Variants in GPAT3 observed in about 807,000 individuals in gnomAD.
GPAT3 encodes the protein 1-AGP acyltransferase 9.
In GPAT3, 53 loss-of-function variants were observed where a neutral mutation model predicts 58.8. The ratio of observed to expected loss-of-function variants is 0.90; its 90% confidence interval spans 0.72 to 1.13. The LOEUF (loss-of-function observed/expected upper bound fraction) is 1.13. Among genes scored for constraint, GPAT3 ranks in the 50% most tolerant of loss-of-function variants. GPAT3 has a pLI of 0.00. For synonymous variants in GPAT3, 197 were observed against 187.4 expected (o/e 1.05, Z -0.42); for missense variants, 511 against 527.6 (o/e 0.97, Z 0.31).
chr4:83,563,424 A>G (rs1725253683), intron 2 of GPAT3, among the ~76,000 whole-genome samples: 1 of 148,036 alleles, frequency 6.8e-6, no homozygotes, highest in Admixed American at 6.7e-5. Context: ...ATGCTATTAC[A>G]TTACAAATAT....
intron 2 of GPAT3, among the ~76,000 whole-genome samples, chr4:83,551,443 G>A (rs1346599145): frequency 2.0e-5 from 3 of 151,958 alleles, no homozygotes; most frequent in Non-Finnish European, 4.4e-5. Context: ...ATCTTCAGGA[G>A]GGAGAGCAAG....
chr4:83,537,430 G>A (rs748396763), intron 1 of GPAT3, among the ~76,000 whole-genome samples: 35 of 152,104 alleles, frequency 2.3e-4, no homozygotes, highest in Non-Finnish European at 4.1e-4. Flanking sequence ...CTTACTCTTA[G>A]GGTTTTATTA....
Position 83,536,221 on chromosome 4 carries a change from G to A in GPAT3, c.-402G>A. 2.0e-6 allele frequency: 2 copies of A among 994,908 alleles called. No individual in the cohort carries two copies. The highest frequency in any genetic ancestry group is 2.4e-6 in the Non-Finnish European group (2 of 836,236). The allele number at this position is 994,908 out of a possible 1,614,324, so 61.6% of individuals were successfully genotyped here. A position where few individuals can be genotyped will look rare whatever the true frequency, so the allele number is the denominator to read the frequency against. On this transcript the variant is annotated 5_prime_UTR_variant, in exon 1 of 12. Transcript: ENST00000264409. Reference sequence around the variant, plus strand: ...GGAGGGCCTCCGTGAGTCATCTGCTGAGTTGTCGCAATCGCCACCCAGAGG... The same window carrying A: ...GGAGGGCCTCCGTGAGTCATCTGCTAAGTTGTCGCAATCGCCACCCAGAGG...
chr4:83,544,241 C>T (rs144424899), intron 1 of GPAT3, among the ~76,000 whole-genome samples: 1 of 152,180 alleles, frequency 6.6e-6, no homozygotes, highest in African/African-American at 2.4e-5. Context: ...CTCATGCCCC[C>T]CATGCTTCAC....
At chr4:83,550,976 C>T (rs959089192) in intron 2 of GPAT3, among the ~76,000 whole-genome samples, 9 of 152,118 alleles carry the variant, frequency 5.9e-5, no homozygotes, top group Non-Finnish European at 8.8e-5. Context: ...ATTTCTTTTA[C>T]GTACAATATT....
At chr4:83,578,923 T>G (rs1376223762) in intron 2 of GPAT3, among the ~76,000 whole-genome samples, 4 of 17,706 alleles carry the variant, frequency 2.3e-4, no homozygotes, top group Non-Finnish European at 4.5e-4. Context: ...CTTTTTTCTT[T>G]TCTTTCTTTC....
chr4:83,561,501 A>T (rs536171420), intron 2 of GPAT3, among the ~76,000 whole-genome samples: 18 of 152,228 alleles, frequency 1.2e-4, no homozygotes, highest in African/African-American at 1.9e-4. Flanking sequence ...ATAAAATAAC[A>T]TCCTCATTGT....
chr4:83,581,349 G>T (rs1162296882), intron 2 of GPAT3, among the ~76,000 whole-genome samples: 2 of 151,944 alleles, frequency 1.3e-5, no homozygotes, highest in Non-Finnish European at 2.9e-5. Flanking sequence ...AATTAACAAA[G>T]ATCATGAGGT....
intron 2 of GPAT3, among the ~76,000 whole-genome samples, chr4:83,546,602 T>A (rs1724522508): frequency 6.6e-6 from 1 of 152,132 alleles, no homozygotes; most frequent in Non-Finnish European, 1.5e-5. Context: ...TTGTCATATT[T>A]CATTCAGAGT....
At chr4:83,563,644 G>A (rs1725268209) in intron 2 of GPAT3, among the ~76,000 whole-genome samples, 1 of 151,874 alleles carries the variant, frequency 6.6e-6, no homozygotes, top group Non-Finnish European at 1.5e-5. Flanking sequence ...ACCACACCCA[G>A]CTAATTTTTG....
intron 2 of GPAT3, among the ~76,000 whole-genome samples, chr4:83,578,933 CTTTCTTTTCT>C (rs1371243703): frequency 1.3e-4 from 1 of 7,968 alleles, no homozygotes; most frequent in African/African-American, 5.0e-4. Context: ...TTCTTTCTTT[CTTTCTTTTCT>C]TTTCTTTTCT....
intron 2 of GPAT3, among the ~76,000 whole-genome samples, chr4:83,574,498 G>GAGA (rs1390583645): frequency 6.6e-6 from 1 of 152,028 alleles, no homozygotes; most frequent in East Asian, 1.9e-4. Context: ...GTGTGAGATA[G>GAGA]ACAGTTGTAA....
rs201020687 is a variant in GPAT3, at chr4:83,578,680, T to TG, written c.209-2879dup. Among the ~76,000 whole-genome samples the TG allele has an allele frequency of 4.9e-3, 744 of 152,312 alleles. 9 individuals are homozygous for TG. The highest frequency in any genetic ancestry group is 0.017 in the African/African-American group (701 of 41,560). ...ACTGGCCAGTACTTAGATTGAGTAA[T>TG]GGGCTTTGAGTGGTATTGCAGTGCC... is the stretch of plus-strand genomic sequence containing the variant. On this transcript the variant is annotated intron_variant, in intron 2 of 11. Coordinates refer to ENST00000264409, the MANE Select transcript of GPAT3 (RefSeq NM_032717.5).
intron 2 of GPAT3, among the ~76,000 whole-genome samples, chr4:83,567,648 C>T (rs1266837043): frequency 1.3e-5 from 2 of 152,062 alleles, no homozygotes; most frequent in African/African-American, 4.8e-5. Flanking sequence ...AAAAAAAGGT[C>T]TGGGCCAGGA....
chr4:83,587,418 T>C lies in GPAT3; in HGVS notation c.554+89T>C, dbSNP rs571875821. ...AGAGAATATTTGTTTGATTCCTATG[T>C]ATTGCATTATTATTATTATTATTTT... On this transcript the variant is annotated intron_variant, in intron 4 of 11. Coordinates refer to ENST00000264409, the MANE Select transcript of GPAT3 (RefSeq NM_032717.5). 12 of 1,130,484 alleles carry C rather than the reference T, an allele frequency of 1.1e-5. No individual in the cohort carries two copies. In the East Asian group the frequency reaches 2.4e-4, roughly 22 times the overall value. The allele number at this position is 1,130,484 out of a possible 1,614,324, so 70.0% of individuals were successfully genotyped here.
At chr4:83,539,404 T>C (rs1724214134) in intron 1 of GPAT3, among the ~76,000 whole-genome samples, 1 of 152,276 alleles carries the variant, frequency 6.6e-6, no homozygotes, top group Non-Finnish European at 1.5e-5. Flanking sequence ...TTATAATTTA[T>C]GTACCATTTA....
At chr4:83,564,128 CTA>C (rs1431348560) in intron 2 of GPAT3, among the ~76,000 whole-genome samples, 1 of 152,146 alleles carries the variant, frequency 6.6e-6, no homozygotes, top group Non-Finnish European at 1.5e-5. Flanking sequence ...GCTAGTGGGG[CTA>C]TGAGTTCCCA....
chr4:83,564,770 T>C (rs550562222), intron 2 of GPAT3, among the ~76,000 whole-genome samples: 9 of 152,324 alleles, frequency 5.9e-5, no homozygotes, highest in African/African-American at 2.2e-4. Context: ...TTGCAATTTG[T>C]ATTTTTACCT....
Position 83,594,758 on chromosome 4 carries a change from G to T in GPAT3, c.739-87G>T, listed in dbSNP as rs1726747793. On this transcript the variant is annotated intron_variant, in intron 6 of 11. Coordinates refer to ENST00000264409, the MANE Select transcript of GPAT3 (RefSeq NM_032717.5). ...TAGAAGGCCAATCATATTTTTGAGT[G>T]GAGAATAGAAATTTGTTGGTACTTA... 2.9e-6 allele frequency: 3 copies of T among 1,052,598 alleles called. No homozygotes were observed. In the East Asian group the frequency reaches 7.2e-5, roughly 25 times the overall value. 65.2% of individuals were successfully genotyped at this position (1,052,598 alleles called of 1,614,324 possible).
Sources: allele counts gnomAD v4.1 joint callset (sites outside exome capture counted in the v4.1 genomes callset), GRCh38; gene constraint gnomAD v4.1.1; transcripts MANE v1.5; gene names NCBI Gene and HGNC (gene_info 2026-07-23, HGNC 2026-07-21).